The following ERC2 variants were observed in gnomAD, a reference collection of about 807,000 sequenced individuals.
The protein encoded by ERC2 is ERC protein 2.
Under a neutral mutation model 114.8 loss-of-function variants are expected in ERC2, and 42 were observed. That is an observed-to-expected ratio of 0.37 (90% confidence interval 0.29 to 0.47). ERC2 has a LOEUF of 0.47. Ranked by LOEUF, ERC2 falls within the 20% of genes least tolerant of loss-of-function variation. The pLI is 0.99. For missense variants in ERC2, 939 were observed against 1,150.7 expected (o/e 0.82, Z 2.66); for synonymous variants, 454 against 425.5 (o/e 1.07, Z -0.82).
intron 2 of ERC2, among the ~76,000 whole-genome samples, chr3:56,336,079 C>A (rs182423594): frequency 2.2e-4 from 33 of 152,264 alleles, no homozygotes; most frequent in African/African-American, 7.2e-4. Flanking sequence ...AAACACCATA[C>A]GCAAAAGCCC....
chr3:56,154,530 A>C (rs1231747330), intron 4 of ERC2, among the ~76,000 whole-genome samples: 1 of 152,084 alleles, frequency 6.6e-6, no homozygotes, highest in Non-Finnish European at 1.5e-5. Context: ...GCATATTACT[A>C]AGGACTCATG....
chr3:56,180,064 G>GA (rs1341784073), intron 3 of ERC2, among the ~76,000 whole-genome samples: 1 of 152,110 alleles, frequency 6.6e-6, no homozygotes, highest in Non-Finnish European at 1.5e-5. Context: ...AGTAGGAAGA[G>GA]AATGAAGAGC....
chr3:55,651,994 C>CTCTTCAGT (rs1277849732), intron 17 of ERC2, among the ~76,000 whole-genome samples: 3 of 152,220 alleles, frequency 2.0e-5, no homozygotes, highest in Non-Finnish European at 4.4e-5. Flanking sequence ...CCCAGAAAAG[C>CTCTTCAGT]TCTTCAGTTC....
rs2064443264 is a variant in ERC2 at position 55,720,228 on chromosome 3, TCTTCTTC to T, written c.2712+14536_2712+14542del. 6.4e-5 allele frequency among the ~76,000 whole-genome samples: 2 copies of T among 31,028 alleles called. 1 individual carries two copies. The highest frequency in any genetic ancestry group is 4.1e-4 in the African/African-American group (2 of 4,826). 20.4% of individuals were successfully genotyped at this position (31,028 alleles called of 152,430 possible). A position where few individuals can be genotyped will look rare whatever the true frequency, so the allele number is the denominator to read the frequency against. ...TTCTTCTTCTTCTTCTTCTTCTTCTTCTTCTTCTTCTTCTCTCTCTCTCTCTCTCTCT... is the reference window on the plus strand; with the variant it reads ...TTCTTCTTCTTCTTCTTCTTCTTCTTTTCTTCTCTCTCTCTCTCTCTCTCT... On this transcript the variant is annotated intron_variant, in intron 15 of 17. Coordinates refer to ENST00000288221, the MANE Select transcript of ERC2 (RefSeq NM_015576.3).
chr3:56,119,411 G>C (rs1048765809), intron 6 of ERC2, among the ~76,000 whole-genome samples: 4 of 152,146 alleles, frequency 2.6e-5, no homozygotes, highest in Admixed American at 1.3e-4. Flanking sequence ...CTATCCACCA[G>C]GAAAAAAGTA....
chr3:55,912,978 CT>C (rs1232302561), intron 13 of ERC2, among the ~76,000 whole-genome samples: 2 of 152,056 alleles, frequency 1.3e-5, no homozygotes, highest in African/African-American at 4.8e-5. Context: ...TTATGGCTTT[CT>C]TTTTTTATTG....
chr3:56,143,429 T>C (rs1377909415), intron 5 of ERC2, among the ~76,000 whole-genome samples: 1 of 152,118 alleles, frequency 6.6e-6, no homozygotes, highest in Admixed American at 6.5e-5. Context: ...GGTAATTGAA[T>C]CATGGGGGAG....
chr3:55,664,305 A>G (rs899653712), intron 17 of ERC2, among the ~76,000 whole-genome samples: 1 of 152,202 alleles, frequency 6.6e-6, no homozygotes, highest in African/African-American at 2.4e-5. Context: ...TTCCTGTGAT[A>G]CAAACCTTCT....
At chr3:56,000,569 A>C (rs2071959965) in intron 10 of ERC2, among the ~76,000 whole-genome samples, 2 of 152,148 alleles carry the variant, frequency 1.3e-5, no homozygotes, top group African/African-American at 4.8e-5. Flanking sequence ...TTATTAAAGA[A>C]AGAAAAGTTA....
At chr3:55,973,282 G>C (rs1218301951) in intron 12 of ERC2, among the ~76,000 whole-genome samples, 1 of 152,214 alleles carries the variant, frequency 6.6e-6, no homozygotes, top group African/African-American at 2.4e-5. Context: ...ATTAGTTACA[G>C]TGAGGGATGA....
chr3:55,975,752 C>A (rs924734118), intron 12 of ERC2, among the ~76,000 whole-genome samples: 39 of 152,146 alleles, frequency 2.6e-4, no homozygotes, highest in African/African-American at 9.4e-4. Flanking sequence ...CCTGATCAGC[C>A]CTTTCTGCCC....
At chr3:55,864,099 A>G (rs1321481079) in intron 14 of ERC2, among the ~76,000 whole-genome samples, 11 of 16,008 alleles carry the variant, frequency 6.9e-4, no homozygotes, top group Non-Finnish European at 9.9e-4. Context: ...AGCAGCAGGT[A>G]TATATATATA....
At chr3:56,383,479 T>C (rs80232833) in intron 2 of ERC2, among the ~76,000 whole-genome samples, 1 of 152,202 alleles carries the variant, frequency 6.6e-6, no homozygotes, top group African/African-American at 2.4e-5. Context: ...AGCTCCAGGA[T>C]GAGAGAATTT....
chr3:56,088,878 T>C (rs938962278), intron 6 of ERC2, among the ~76,000 whole-genome samples: 2 of 152,174 alleles, frequency 1.3e-5, no homozygotes, highest in African/African-American at 4.8e-5. Flanking sequence ...TTGCTATTGT[T>C]ATTATACTTT....
At chr3:56,148,708 T>C (rs1032634803) in intron 5 of ERC2, among the ~76,000 whole-genome samples, 2 of 152,154 alleles carry the variant, frequency 1.3e-5, no homozygotes, top group African/African-American at 4.8e-5. Context: ...ACTATAAATA[T>C]GTTAATTCCC....
At chr3:55,933,775 G>A (rs2066269725) in intron 13 of ERC2, among the ~76,000 whole-genome samples, 1 of 152,188 alleles carries the variant, frequency 6.6e-6, no homozygotes, top group African/African-American at 2.4e-5. Context: ...CGATTTACAG[G>A]AACCCTTTGC....
intron 17 of ERC2, among the ~76,000 whole-genome samples, chr3:55,668,787 ATTC>A (rs1272296376): frequency 6.6e-6 from 1 of 152,218 alleles, no homozygotes; most frequent in African/African-American, 2.4e-5. Flanking sequence ...GAGTCCTTGA[ATTC>A]TTCTTATGAC....
At chr3:55,849,257 A>G (rs2061481257) in intron 14 of ERC2, among the ~76,000 whole-genome samples, 1 of 152,202 alleles carries the variant, frequency 6.6e-6, no homozygotes, top group Admixed American at 6.5e-5. Flanking sequence ...TCTTCTGCAC[A>G]TATGTATATG....
At chr3:56,328,428 TAAAG>T (rs1481777825) in intron 2 of ERC2, among the ~76,000 whole-genome samples, 5 of 152,118 alleles carry the variant, frequency 3.3e-5, no homozygotes, top group Non-Finnish European at 7.3e-5. Flanking sequence ...AGCTGTTCAG[TAAAG>T]AAATGTGTAT....
Sources: allele counts gnomAD v4.1 joint callset (sites outside exome capture counted in the v4.1 genomes callset), GRCh38; gene constraint gnomAD v4.1.1; transcripts MANE v1.5; gene names NCBI Gene and HGNC (gene_info 2026-07-23, HGNC 2026-07-21).